SENP6: variants seen among roughly 807,000 people sequenced by gnomAD.
SENP6 encodes SUMO specific peptidase 6.
SENP6 carries 41 observed loss-of-function variants against 134.5 expected under a neutral mutation model. The ratio of observed to expected loss-of-function variants is 0.30; its 90% CI spans 0.24 to 0.40. The LOEUF (loss-of-function observed/expected upper bound fraction) is 0.40. SENP6 is among the 10% of genes least tolerant of loss of function. SENP6 has a pLI of 1.00. For synonymous variants in SENP6, 395 were observed against 429.8 expected (o/e 0.92, Z 1.00); for missense variants, 1,248 against 1,312.5 (o/e 0.95, Z 0.76).
intron 8 of SENP6, 119 bp downstream of exon 8, chr6:75,659,526 T>G: frequency 3.3e-6 from 3 of 895,652 alleles, no homozygotes; most frequent in Non-Finnish European, 5.0e-6. Context: ...CTTGGAAAAC[T>G]TATTTAGGCA....
At chr6:75,645,235 A>T (rs1770340575) in intron 6 of SENP6, among the ~76,000 whole-genome samples, 1 of 152,178 alleles carries the variant, frequency 6.6e-6, no homozygotes, top group Non-Finnish European at 1.5e-5. Context: ...AGCCACTTTG[A>T]GATTAAATCC....
intron 6 of SENP6, among the ~76,000 whole-genome samples, chr6:75,643,550 C>T (rs1360777666): frequency 8.5e-5 from 13 of 152,116 alleles, no homozygotes; most frequent in Admixed American, 6.6e-4. Context: ...GGTAAAACCC[C>T]GCCTCTATTA....
intron 9 of SENP6, among the ~76,000 whole-genome samples, chr6:75,665,845 G>T (rs1309210580): frequency 1.1e-4 from 16 of 151,796 alleles, no homozygotes; most frequent in Admixed American, 1.1e-3. Flanking sequence ...TGGCCAACAT[G>T]GAGAAACCCC....
intron 10 of SENP6, 82 bp from the exon 11 acceptor site, chr6:75,670,471 T>C: frequency 1.1e-6 from 1 of 874,712 alleles, no homozygotes; most frequent in Non-Finnish European, 1.7e-6. Flanking sequence ...ATTTCTTATA[T>C]TGGGTCTTTG....
chr6:75,710,351 C>T (rs1775682512), intron 20 of SENP6, among the ~76,000 whole-genome samples: 1 of 152,114 alleles, frequency 6.6e-6, no homozygotes, highest in African/African-American at 2.4e-5. Context: ...AAATACTTTA[C>T]TTTTTAGCTT....
chr6:75,686,591 G>A (rs1190768951), intron 16 of SENP6, among the ~76,000 whole-genome samples: 2 of 152,164 alleles, frequency 1.3e-5, no homozygotes, highest in East Asian at 3.8e-4. Flanking sequence ...GGCAGGCCTG[G>A]TGGTGACAAA....
At chr6:75,713,433 T>G in intron 21 of SENP6, 80 bp from the exon 22 acceptor site, 1 of 1,208,082 alleles carries the variant, frequency 8.3e-7, no homozygotes, top group South Asian at 1.3e-5. Context: ...ATTTGATTGT[T>G]TATAATATGC....
At chr6:75,692,467 CA>C (rs35719479) in intron 16 of SENP6, among the ~76,000 whole-genome samples, 5 of 149,042 alleles carry the variant, frequency 3.4e-5, no homozygotes, top group Admixed American at 6.7e-5. Context: ...CAAAAACATA[CA>C]AAAAAAAAAT....
intron 7 of SENP6, among the ~76,000 whole-genome samples, chr6:75,653,723 A>T (rs1771094411): frequency 1.3e-5 from 2 of 151,856 alleles, no homozygotes. Flanking sequence ...GATATCTTAA[A>T]GTTAGGTATG....
In SENP6 at chr6:75,678,921, A is replaced by T; in HGVS notation, c.2069A>T (p.Tyr690Phe). The change falls in exon 16 of 24, where the codon TAT becomes TTT. Residue 690 changes from tyrosine (Y) to phenylalanine (F), a missense_variant. Around this residue, in one of 3 missense-constraint regions of SENP6, gnomAD observed 129 missense variants for 192.0 expected, o/e 0.67. Transcript: ENST00000447266. The stretch of plus-strand genomic sequence containing the variant: ...TTAAATGATGTTATTATAGACTTTT[A>T]TTTGAAGTAAGTTAATTTTCCACTG... ...EFLNDVIIDF[Y>F]LKYLVLEKLK... 1.5e-6 allele frequency: 2 copies of T among 1,368,302 alleles called. No homozygotes were observed. The highest frequency in any genetic ancestry group is 1.2e-5 in the South Asian group (1 of 83,042). 84.8% of individuals were successfully genotyped at this position (1,368,302 alleles called of 1,614,324 possible). A position where few individuals can be genotyped will look rare whatever the true frequency, so the allele number is the denominator to read the frequency against.
At chr6:75,605,365 A>G (rs556598066) in intron 1 of SENP6, among the ~76,000 whole-genome samples, 1 of 152,328 alleles carries the variant, frequency 6.6e-6, no homozygotes, top group East Asian at 1.9e-4. Context: ...GTGAAAGCAT[A>G]TCTCTGTAAT....
intron 7 of SENP6, among the ~76,000 whole-genome samples, chr6:75,652,798 G>C (rs1157367077): frequency 6.6e-6 from 1 of 151,200 alleles, no homozygotes; most frequent in Admixed American, 6.6e-5. Context: ...AGCAACATTA[G>C]ATTATTATCA....
At chr6:75,667,003 T>G (rs1007147722) in intron 10 of SENP6, 62 bp downstream of exon 10, 18 of 1,143,942 alleles carry the variant, frequency 1.6e-5, no homozygotes, top group Non-Finnish European at 2.2e-5. Context: ...GTGTAAATTT[T>G]TTTTAGAAGG....
intron 1 of SENP6, among the ~76,000 whole-genome samples, chr6:75,619,204 G>A (rs948224781): frequency 6.6e-6 from 1 of 152,084 alleles, no homozygotes; most frequent in Non-Finnish European, 1.5e-5. Flanking sequence ...AACAAGAACT[G>A]TGTACCTGTT....
At chr6:75,642,898 T>C (rs147897642) in intron 6 of SENP6, among the ~76,000 whole-genome samples, 1 of 151,954 alleles carries the variant, frequency 6.6e-6, no homozygotes, top group African/African-American at 2.4e-5. Flanking sequence ...GGTCTAGGAG[T>C]TGGGGAGGTA....
chr6:75,602,432 C>A lies in SENP6; in HGVS notation c.-93C>A. The A allele has an allele frequency of 7.1e-7, 1 of 1,413,910 alleles. No individual in the cohort carries two copies. The highest frequency in any genetic ancestry group is 9.7e-7 in the Non-Finnish European group (1 of 1,029,892). The allele number at this position is 1,413,910 out of a possible 1,614,324, so 87.6% of individuals were successfully genotyped here. On this transcript the variant is annotated 5_prime_UTR_variant, in exon 1 of 24. Coordinates refer to ENST00000447266, the MANE Select transcript of SENP6 (RefSeq NM_015571.4). ...GAGCCCGAGGCCCGCAACCCTGCGG[C>A]GTCTACCCTCCTCCGGCGCGGCCCC...
intron 16 of SENP6, among the ~76,000 whole-genome samples, chr6:75,687,035 A>G (rs1163356203): frequency 1.3e-5 from 2 of 152,190 alleles, no homozygotes; most frequent in Non-Finnish European, 1.5e-5. Context: ...AGGTACACCA[A>G]TCAAATGTAG....
chr6:75,666,175 G>A (rs1449374847), intron 9 of SENP6, among the ~76,000 whole-genome samples: 6 of 80,938 alleles, frequency 7.4e-5, no homozygotes, highest in Non-Finnish European at 1.9e-4. Context: ...TATATAAAAC[G>A]TATATATGAT....
intron 23 of SENP6, among the ~76,000 whole-genome samples, chr6:75,714,250 G>A (rs925094278): frequency 9.2e-5 from 14 of 152,072 alleles, no homozygotes; most frequent in African/African-American, 2.7e-4. Flanking sequence ...TGTTAAAATT[G>A]CTCTTGACTT....
Sources: allele counts gnomAD v4.1 joint callset (sites outside exome capture counted in the v4.1 genomes callset), GRCh38; gene constraint gnomAD v4.1.1; regional missense constraint gnomAD v4.1.1; transcripts MANE v1.5; gene names NCBI Gene and HGNC (gene_info 2026-07-23, HGNC 2026-07-21).